The following CIT variants were observed in gnomAD, a reference collection of about 807,000 sequenced individuals.
CIT encodes citron Rho-interacting kinase.
Under a neutral mutation model 272.7 loss-of-function variants are expected in CIT, and 79 were observed. The observed-to-expected ratio is 0.29, with a 90% CI of 0.24 to 0.35. The LOEUF (loss-of-function observed/expected upper bound fraction) is 0.35. CIT is among the 10% of genes least tolerant of loss of function. The pLI is 1.00. For missense variants in CIT, 1,909 were observed against 2,618.3 expected (o/e 0.73, Z 5.91); for synonymous variants, 948 against 995.6 (o/e 0.95, Z 0.90).
chr12:119,715,242 A>T (rs1037488755), intron 32 of CIT, among the ~76,000 whole-genome samples: 1 of 152,176 alleles, frequency 6.6e-6, no homozygotes, highest in Non-Finnish European at 1.5e-5. Context: ...TTCTTTATAA[A>T]TTACCCAGTC....
At chr12:119,763,290 G>GCCA (rs66480478) in intron 19 of CIT, among the ~76,000 whole-genome samples, 10 of 152,378 alleles carry the variant, frequency 6.6e-5, no homozygotes, top group East Asian at 5.8e-4. Context: ...ATGCAAAGGT[G>GCCA]GCTCACTGCA....
intron 32 of CIT, among the ~76,000 whole-genome samples, chr12:119,715,211 G>A (rs940473362): frequency 2.0e-5 from 3 of 152,180 alleles, no homozygotes; most frequent in African/African-American, 7.2e-5. Context: ...ACATGGAACT[G>A]TGAGTCTATT....
intron 10 of CIT, among the ~76,000 whole-genome samples, chr12:119,800,660 A>C (rs1027213160): frequency 5.3e-5 from 8 of 152,182 alleles, no homozygotes; most frequent in Admixed American, 4.6e-4. Flanking sequence ...CAGGTAATCA[A>C]TGTGTGTAAA....
intron 10 of CIT, among the ~76,000 whole-genome samples, chr12:119,797,296 A>G (rs989510969): frequency 2.0e-5 from 3 of 152,260 alleles, no homozygotes; most frequent in African/African-American, 7.2e-5. Context: ...GGTATCTTTA[A>G]GACAAATGAG....
intron 5 of CIT, among the ~76,000 whole-genome samples, chr12:119,844,518 T>G (rs1196611909): frequency 1.3e-5 from 2 of 152,088 alleles, no homozygotes; most frequent in Non-Finnish European, 2.9e-5. Context: ...GATAAACAAG[T>G]AACAAAAGAA....
chr12:119,760,783 G>A (rs1961683235), intron 20 of CIT, among the ~76,000 whole-genome samples, 156 bp downstream of exon 20: 1 of 152,106 alleles, frequency 6.6e-6, no homozygotes, highest in Non-Finnish European at 1.5e-5. Context: ...TTTTAGGAAA[G>A]GAAACAGTTT....
chr12:119,719,651 C>T (rs568051622), intron 30 of CIT, among the ~76,000 whole-genome samples: 37 of 152,306 alleles, frequency 2.4e-4, no homozygotes, highest in Admixed American at 2.1e-3. Flanking sequence ...ATTGAGACAA[C>T]TGTCAACTTC....
rs1275558035 is a variant in CIT, at chr12:119,700,788, G to A, written c.5580C>T (p.Ser1860=). The change falls in exon 44 of 48, where the codon AGC becomes AGT. Residue 1860 remains serine (S), a synonymous_variant. Coordinates refer to ENST00000392521, the MANE Select transcript of CIT (RefSeq NM_001206999.2). ...GACTCCACTTGAGATCGTCTGTGCG[G>A]CTACGTCTTCCGTAAGAATCCACGA... ...GVFVDSYGRR[S]RTDDLKWSRL... The A allele has an allele frequency of 6.2e-7, 1 of 1,613,878 alleles. No individual in the cohort carries two copies. The highest frequency in any genetic ancestry group is 1.3e-5 in the African/African-American group (1 of 74,902).
chr12:119,826,914 G>A (rs560127724), intron 7 of CIT, among the ~76,000 whole-genome samples: 18 of 152,214 alleles, frequency 1.2e-4, no homozygotes, highest in African/African-American at 3.9e-4. Context: ...TCCTCTCCCC[G>A]GGGCTGATTC....
rs147851307 is a variant in CIT at position 119,712,400 on chromosome 12, T to TG, written c.4685-54dup. On this transcript the variant is annotated intron_variant, in intron 36 of 47. Transcript: ENST00000392521. The surrounding 1 kb of genome is among the most constrained non-coding windows in gnomAD (Gnocchi z 5.2). ...GGGTGTGGATTTCCCCCGTTCCCACTGGGAGGGACGGGCCTGAGAGATCAA... is the reference window on the plus strand; with the variant it reads ...GGGTGTGGATTTCCCCCGTTCCCACTGGGGAGGGACGGGCCTGAGAGATCAA... 40,143 of 1,534,884 alleles carry TG rather than the reference T, an allele frequency of 0.026. 672 individuals are homozygous for TG. Among genetic ancestry groups the TG allele is most frequent in the Non-Finnish European group, 0.033 (36,605 of 1,126,028 alleles).
At chr12:119,857,139 C>T (rs1950194609) in intron 4 of CIT, among the ~76,000 whole-genome samples, 1 of 152,192 alleles carries the variant, frequency 6.6e-6, no homozygotes. Context: ...AAAACCAAAT[C>T]CATATGCCCA....
At chr12:119,695,727 C>T (rs574498304) in intron 46 of CIT, among the ~76,000 whole-genome samples, 1 of 151,938 alleles carries the variant, frequency 6.6e-6, no homozygotes, top group African/African-American at 2.4e-5. Flanking sequence ...GCCCAGAGGT[C>T]GAGGCTGCAG....
At chr12:119,808,624 T>C (rs1037538337) in intron 9 of CIT, among the ~76,000 whole-genome samples, 1 of 152,064 alleles carries the variant, frequency 6.6e-6, no homozygotes, top group Admixed American at 6.6e-5. Flanking sequence ...CACTGTGTCA[T>C]AAAGGATGAA....
In CIT at chr12:119,869,055, C is replaced by T; in HGVS notation, c.238+5G>A. The T allele has an allele frequency of 6.2e-7, 1 of 1,608,754 alleles. No homozygotes were observed. Among genetic ancestry groups the T allele is most frequent in the Non-Finnish European group, 8.5e-7 (1 of 1,179,062 alleles). ...AGTTTTCAAGAAAAAGTTCCCCAAA[C>T]TTACACTTCCGGACAAAGTTGCTCA... On this transcript the variant is annotated splice_donor_5th_base_variant and intron_variant, in intron 3 of 47. Transcript: ENST00000392521.
Position 119,783,633 on chromosome 12 carries a change from C to T in CIT, c.1545+275G>A, listed in dbSNP as rs879296087. 1.8e-4 allele frequency: 51 copies of T among 279,658 alleles called. No individual in the cohort carries two copies. The Admixed American group carries it at 2.4e-3, about 13-fold the overall frequency. 17.3% of individuals were successfully genotyped at this position (279,658 alleles called of 1,614,324 possible). On this transcript the variant is annotated intron_variant, in intron 12 of 47. Coordinates refer to ENST00000392521, the MANE Select transcript of CIT (RefSeq NM_001206999.2). ...TGGGAGATGTTAAGATCTTTTGCAA[C>T]TTGCGGCAAAGATGGATTACTCCCA...
intron 28 of CIT, among the ~76,000 whole-genome samples, chr12:119,722,604 C>A (rs1390448587): frequency 6.6e-6 from 1 of 152,176 alleles, no homozygotes; most frequent in Non-Finnish European, 1.5e-5. Context: ...TTCTTACAGA[C>A]CCTGGTTTAA....
rs1248895144 is a variant in CIT at position 119,783,951 on chromosome 12, G to A, written c.1502C>T (p.Ser501Phe). Residue 501 changes from serine to phenylalanine, a missense_variant, in exon 12 of 48, where the codon TCC becomes TTC. Ser to Phe is a radical substitution (Grantham distance 155, BLOSUM62 -2). Transcript: ENST00000392521. ...VELKASETQR[S>F]LLEQDLATYI... is the part of the protein sequence containing the mutation. ...GGTAGCAAGGTCCTGCTCCAGGAGG[G>A]ATCTCTGAGTCTCAGAGGCCTTCAG... The A allele has an allele frequency of 6.2e-7, 1 of 1,612,218 alleles. No individual in the cohort carries two copies. The highest frequency in any genetic ancestry group is 8.5e-7 in the Non-Finnish European group (1 of 1,179,074).
rs192213920 is a variant in CIT, at chr12:119,718,186, T to C, written c.4168+59A>G. ...AACCCCTAGTATTACTTGTAATTTT[T>C]ACCATATGCCCACATGTCTTAGTCG... On this transcript the variant is annotated intron_variant, in intron 32 of 47. Transcript: ENST00000392521. This position sits in a 1 kb window ranked among gnomAD's most constrained non-coding sequence, Gnocchi z 4.8. The C allele has an allele frequency of 2.0e-4, 305 of 1,538,320 alleles. No homozygotes were observed. The African/African-American group carries it at 3.4e-3, about 17-fold the overall frequency.
intron 18 of CIT, among the ~76,000 whole-genome samples, chr12:119,769,822 A>G (rs901697587): frequency 1.3e-5 from 2 of 152,272 alleles, no homozygotes; most frequent in African/African-American, 4.8e-5. Flanking sequence ...AGAAATGTAA[A>G]GTTGTAAACA....
Sources: allele counts gnomAD v4.1 joint callset (sites outside exome capture counted in the v4.1 genomes callset), GRCh38; gene constraint gnomAD v4.1.1; non-coding constraint Gnocchi (gnomAD v3.1); transcripts MANE v1.5; gene names NCBI Gene and HGNC (gene_info 2026-07-23, HGNC 2026-07-21).